FBXL18: variants seen among roughly 807,000 people sequenced by gnomAD.
FBXL18 encodes F-box/LRR-repeat protein 18.
FBXL18 carries 36 observed loss-of-function variants against 46.0 expected under a neutral mutation model. That is an observed-to-expected ratio of 0.78 (90% CI 0.60 to 1.03). The LOEUF (loss-of-function observed/expected upper bound fraction) is 1.03, where lower values mean the gene tolerates loss of function less well. FBXL18 is among the 50% of genes least tolerant of loss of function. FBXL18 has a pLI of 0.00. For synonymous variants in FBXL18, 557 were observed against 465.3 expected (o/e 1.20, Z -2.54); for missense variants, 977 against 1,004.1 (o/e 0.97, Z 0.36).
At chr7:5,457,067 G>A (rs142315713) in intron 4 of FBXL18, among the ~76,000 whole-genome samples, 3 of 152,292 alleles carry the variant, frequency 2.0e-5, no homozygotes, top group Non-Finnish European at 2.9e-5. Context: ...CCTGGCCTAG[G>A]GCTGTCCCCT....
At chr7:5,489,403 G>C (rs1783856032) in intron 4 of FBXL18, 1 of 492,532 alleles carries the variant, frequency 2.0e-6, no homozygotes, top group Non-Finnish European at 4.0e-6. Context: ...GGGAGGCTGA[G>C]GTAAGCGGAT....
intron 3 of FBXL18, among the ~76,000 whole-genome samples, chr7:5,493,444 T>C (rs935363212): frequency 6.6e-6 from 1 of 151,200 alleles, no homozygotes; most frequent in African/African-American, 2.4e-5. Context: ...TACAGGCGCC[T>C]GCCACCGCAC....
chr7:5,483,112 G>A (rs769030618), intron 4 of FBXL18, among the ~76,000 whole-genome samples: 1 of 151,930 alleles, frequency 6.6e-6, no homozygotes. Context: ...GCTCCAGGCA[G>A]AAGGAAAAAC....
At chr7:5,468,404 A>G (rs1238321568) in intron 4 of FBXL18, among the ~76,000 whole-genome samples, 1 of 152,176 alleles carries the variant, frequency 6.6e-6, no homozygotes, top group East Asian at 1.9e-4. Flanking sequence ...GGCGTGAGCC[A>G]CCACGCCCAG....
intron 4 of FBXL18, among the ~76,000 whole-genome samples, chr7:5,488,007 C>A (rs905863565): frequency 2.0e-5 from 3 of 152,264 alleles, no homozygotes; most frequent in Admixed American, 6.5e-5. Context: ...GTGTAACCAG[C>A]GCCCTCTGGG....
At chr7:5,497,648 C>T (rs1280082786) in intron 3 of FBXL18, among the ~76,000 whole-genome samples, 7 of 152,140 alleles carry the variant, frequency 4.6e-5, no homozygotes, top group Non-Finnish European at 8.8e-5. Context: ...ATGCCTTCTG[C>T]GGGAGAGGGG....
Position 5,460,485 on chromosome 7 carries a change from G to A in FBXL18, c.2001-12642C>T, listed in dbSNP as rs568515507. Among the ~76,000 whole-genome samples the A allele has an allele frequency of 9.2e-5, 14 of 152,022 alleles. No homozygotes were observed. In the South Asian group the frequency reaches 1.0e-3, roughly 11 times the overall value. On this transcript the variant is annotated intron_variant and NMD_transcript_variant, in intron 4 of 6. Coordinates refer to the FBXL18 transcript ENST00000415009. ...ATTTTGTTTTTTGAGACAGGTTCTC[G>A]CTCTGTCACCCAGGCTGGAGTGCAA...
intron 2 of FBXL18, among the ~76,000 whole-genome samples, chr7:5,504,687 G>A (rs13241226): frequency 0.23 from 33,396 of 147,902 alleles, 4,496 homozygotes; most frequent in Middle Eastern, 0.31. Flanking sequence ...ATGTCGAGGC[G>A]GGCAGATCAC....
chr7:5,486,251 C>CAAAAA (rs1160606876), intron 4 of FBXL18, among the ~76,000 whole-genome samples: 32,787 of 71,046 alleles, frequency 0.46, 7,026 homozygotes, highest in East Asian at 0.64. Flanking sequence ...AACTCCATCT[C>CAAAAA]AAAAAAAAAA....
chr7:5,498,337 C>T (rs1313058042), intron 3 of FBXL18, among the ~76,000 whole-genome samples: 3 of 152,196 alleles, frequency 2.0e-5, no homozygotes, highest in African/African-American at 7.2e-5. Flanking sequence ...CCACCCGCCT[C>T]GGCCTCCCAA....
At chr7:5,504,004 G>T (rs181979777) in intron 2 of FBXL18, among the ~76,000 whole-genome samples, 1 of 151,378 alleles carries the variant, frequency 6.6e-6, no homozygotes, top group African/African-American at 2.4e-5. Flanking sequence ...ACACCGAGAG[G>T]CACTGGCTAG....
chr7:5,470,699 CGGGGG>C (rs200292479), intron 4 of FBXL18, among the ~76,000 whole-genome samples: 673 of 7,958 alleles, frequency 0.085, 5 homozygotes, highest in Non-Finnish European at 0.099. Context: ...CTCCCCTTCC[CGGGGG>C]GGAGATGTCC....
At chr7:5,508,220 C>T (rs1422588611) in intron 1 of FBXL18, among the ~76,000 whole-genome samples, 5 of 150,980 alleles carry the variant, frequency 3.3e-5, no homozygotes, top group Admixed American at 2.0e-4. Flanking sequence ...GAGCTGAGAT[C>T]GCGCCACTGC....
intron 3 of FBXL18, among the ~76,000 whole-genome samples, chr7:5,493,440 C>A (rs1211315900): frequency 1.3e-5 from 2 of 152,006 alleles, no homozygotes; most frequent in African/African-American, 4.8e-5. Flanking sequence ...GGACTACAGG[C>A]GCCTGCCACC....
intron 4 of FBXL18, chr7:5,489,606 T>TG: frequency 5.7e-6 from 1 of 176,586 alleles, no homozygotes; most frequent in South Asian, 9.0e-5. Flanking sequence ...CCGTCTCTAC[T>TG]AAAAAAAAAA....
downstream of FBXL18, among the ~76,000 whole-genome samples, chr7:5,475,253 C>T (rs898810186): frequency 7.2e-5 from 11 of 151,890 alleles, no homozygotes; most frequent in African/African-American, 9.7e-5. This position sits in a 1 kb window ranked among gnomAD's most constrained non-coding sequence, Gnocchi z 4.2. Context: ...ACCCAGGAGG[C>T]GGAGGTAGCA....
chr7:5,491,180 T>C (rs772336714), intron 4 of FBXL18, 51 bp downstream of exon 4: 32 of 1,508,532 alleles, frequency 2.1e-5, no homozygotes, highest in African/African-American at 4.1e-5. Context: ...GGTCACGGGA[T>C]GCTGGTGATT....
chr7:5,459,998 G>A (rs1783221776), intron 4 of FBXL18, among the ~76,000 whole-genome samples: 1 of 152,106 alleles, frequency 6.6e-6, no homozygotes, highest in Admixed American at 6.6e-5. Flanking sequence ...AGTGGCTCGT[G>A]CCTGTAATCC....
In FBXL18 at chr7:5,496,073, C is replaced by T. The variant is rs140318575; in HGVS notation, c.1781+4415G>A. On this transcript the variant is annotated intron_variant, in intron 3 of 4. Transcript: ENST00000382368. This position sits in a 1 kb window ranked among gnomAD's most constrained non-coding sequence, Gnocchi z 4.8. ...GCCACGGGGATTCCGTCCCAGACTC[C>T]GGAGGCCATCGGGGACCATGAAATC... Among the ~76,000 whole-genome samples the T allele has an allele frequency of 5.8e-3, 890 of 152,290 alleles. 6 individuals are homozygous for T. The highest frequency in any genetic ancestry group is 0.021 in the African/African-American group (862 of 41,544).
Sources: gnomAD v4.1 joint callset for allele counts (sites outside exome capture counted in the v4.1 genomes callset) on GRCh38, gnomAD v4.1.1 for gene constraint, Gnocchi (gnomAD v3.1) non-coding constraint, MANE v1.5 for transcripts, NCBI Gene and HGNC (gene_info 2026-07-23, HGNC 2026-07-21) for gene names.